Variants in MDGA2 observed in about 807,000 individuals in gnomAD.
MDGA2 encodes the protein MAM domain containing glycosylphosphatidylinositol anchor 2.
MDGA2 carries 40 observed loss-of-function variants against 117.8 expected under a neutral mutation model. The observed-to-expected ratio is 0.34, with a 90% confidence interval of 0.26 to 0.44. The LOEUF is 0.44. MDGA2 is among the 20% of genes least tolerant of loss of function. The probability of loss-of-function intolerance (pLI) is 1.00; values close to 1 mark genes in which losing one functional copy is unlikely to be tolerated. For missense variants in MDGA2, 1,123 were observed against 1,250.6 expected, an observed-to-expected ratio of 0.90 and a Z score of 1.54; for synonymous variants, 452 against 439.0, an observed-to-expected ratio of 1.03 and a Z score of -0.37.
At chr14:47,584,309 A>G (rs1183789172) in intron 1 of MDGA2, among the ~76,000 whole-genome samples, 4 of 151,796 alleles carry the variant, frequency 2.6e-5, no homozygotes, top group Non-Finnish European at 4.4e-5. Flanking sequence ...ATGTTATACA[A>G]TGTAAAACAT....
chr14:47,329,989 T>C (rs928134676), intron 1 of MDGA2, among the ~76,000 whole-genome samples: 9 of 151,958 alleles, frequency 5.9e-5, no homozygotes, highest in Admixed American at 2.0e-4. Context: ...CAATCAGGTG[T>C]TTTAATAATA....
chr14:46,884,743 T>A lies in MDGA2; in HGVS notation c.2239-2522A>T, dbSNP rs1013327566. Among the ~76,000 whole-genome samples the A allele has an allele frequency of 2.6e-5, 4 of 152,110 alleles. No individual in the cohort carries two copies. Among genetic ancestry groups the A allele is most frequent in the African/African-American group, 9.7e-5 (4 of 41,428 alleles). Reference sequence around the variant, plus strand: ...GGAACCTTATATCTTATACATAAAATTCAGTCTCAGGAGTATTAAACAATT... The same window carrying A: ...GGAACCTTATATCTTATACATAAAAATCAGTCTCAGGAGTATTAAACAATT... On this transcript the variant is annotated intron_variant, in intron 10 of 16. Coordinates refer to ENST00000399232, the MANE Select transcript of MDGA2 (RefSeq NM_001113498.3). This position sits in a 1 kb window ranked among gnomAD's most constrained non-coding sequence, Gnocchi z 4.1.
At chr14:46,978,304 A>G (rs1886545049) in intron 8 of MDGA2, among the ~76,000 whole-genome samples, 1 of 151,990 alleles carries the variant, frequency 6.6e-6, no homozygotes, top group South Asian at 2.1e-4. Flanking sequence ...GTTTTAATAC[A>G]TCACTGTAAT....
At chr14:47,626,597 G>C (rs2138939975) in intron 1 of MDGA2, 1 of 152,426 alleles carries the variant, frequency 6.6e-6, no homozygotes, top group South Asian at 2.1e-4. Flanking sequence ...CCCGGCGCTT[G>C]CGGGCCAGCG....
intron 7 of MDGA2, among the ~76,000 whole-genome samples, chr14:47,038,498 T>C (rs571240196): frequency 4.5e-4 from 69 of 152,342 alleles, no homozygotes; most frequent in African/African-American, 1.5e-3. Flanking sequence ...TTTTCATGTA[T>C]TTAGATAAAC....
chr14:47,006,813 G>C (rs1190376097), intron 8 of MDGA2, among the ~76,000 whole-genome samples: 1 of 151,622 alleles, frequency 6.6e-6, no homozygotes, highest in Non-Finnish European at 1.5e-5. Flanking sequence ...CAGAGTTCCT[G>C]TGTCATAAAA....
Position 47,072,672 on chromosome 14 carries a change from T to TA in MDGA2, c.1196-11095dup, listed in dbSNP as rs563273272. Among the ~76,000 whole-genome samples, 940 of 152,268 alleles carry TA rather than the reference T, an allele frequency of 6.2e-3. 6 individuals carry two copies. The highest frequency in any genetic ancestry group is 0.024 in the Middle Eastern group (7 of 294). Reference sequence around the variant, plus strand: ...CCCAGGCCCAATCCTCAGGTTTTGGTATAGAGTCCAGCCATCTGCATTTTA... The same window carrying TA: ...CCCAGGCCCAATCCTCAGGTTTTGGTAATAGAGTCCAGCCATCTGCATTTTA... On this transcript the variant is annotated intron_variant, in intron 6 of 16. Transcript: ENST00000399232.
chr14:47,224,304 T>C (rs1855175583), intron 2 of MDGA2, among the ~76,000 whole-genome samples: 1 of 151,852 alleles, frequency 6.6e-6, no homozygotes, highest in South Asian at 2.1e-4. Context: ...TAGATATAGA[T>C]ATAGATATAG....
intron 2 of MDGA2, among the ~76,000 whole-genome samples, chr14:47,233,014 A>C (rs905322972): frequency 6.6e-6 from 1 of 152,140 alleles, no homozygotes; most frequent in Non-Finnish European, 1.5e-5. Flanking sequence ...TAAAGACTTT[A>C]ATGTGCCTTC....
At chr14:47,089,255 C>T (rs60114207) in intron 6 of MDGA2, among the ~76,000 whole-genome samples, 52 of 152,202 alleles carry the variant, frequency 3.4e-4, no homozygotes, top group African/African-American at 1.2e-3. Context: ...TTGAATCGCT[C>T]CTTGGCTAAG....
chr14:47,341,309 G>C (rs1431982019), intron 1 of MDGA2, among the ~76,000 whole-genome samples: 1 of 152,154 alleles, frequency 6.6e-6, no homozygotes, highest in African/African-American at 2.4e-5. Context: ...AGGATTCTGG[G>C]CTTCCTGATG....
At chr14:47,335,243 T>C (rs1890404828) in intron 1 of MDGA2, among the ~76,000 whole-genome samples, 2 of 147,922 alleles carry the variant, frequency 1.4e-5, no homozygotes, top group South Asian at 4.3e-4. Context: ...AGCAACATTA[T>C]TTGGTGATCA....
At chr14:47,246,065 C>T (rs909111614) in intron 2 of MDGA2, among the ~76,000 whole-genome samples, 3 of 151,842 alleles carry the variant, frequency 2.0e-5, no homozygotes, top group African/African-American at 7.2e-5. Flanking sequence ...CAGTTTTCTC[C>T]AAGCTCACTT....
At chr14:47,479,848 C>G (rs1038276389) in intron 1 of MDGA2, among the ~76,000 whole-genome samples, 10 of 152,070 alleles carry the variant, frequency 6.6e-5, no homozygotes, top group Non-Finnish European at 1.2e-4. Flanking sequence ...CACACAAAAC[C>G]TCAGTTATAT....
intron 9 of MDGA2, among the ~76,000 whole-genome samples, chr14:46,932,688 C>G (rs1277354849): frequency 6.6e-6 from 1 of 152,048 alleles, no homozygotes; most frequent in Non-Finnish European, 1.5e-5. Context: ...GTATAATTCA[C>G]CAAGAATCCT....
At chr14:46,924,230 G>T (rs1387379893) in intron 9 of MDGA2, among the ~76,000 whole-genome samples, 1 of 151,720 alleles carries the variant, frequency 6.6e-6, no homozygotes, top group Non-Finnish European at 1.5e-5. Flanking sequence ...GATTTATATA[G>T]AAATACTGGT....
intron 1 of MDGA2, among the ~76,000 whole-genome samples, chr14:47,509,128 A>T (rs1894584749): frequency 6.6e-6 from 1 of 152,200 alleles, no homozygotes; most frequent in Non-Finnish European, 1.5e-5. Flanking sequence ...AGTAGCTGCC[A>T]TTTGTACCAG....
At chr14:47,602,769 T>C (rs1896671505) in intron 1 of MDGA2, among the ~76,000 whole-genome samples, 1 of 152,154 alleles carries the variant, frequency 6.6e-6, no homozygotes, top group African/African-American at 2.4e-5. Flanking sequence ...TAGCCCAACA[T>C]ATACATTTCC....
chr14:47,664,179 T>C (rs1897900225), intron 1 of MDGA2, among the ~76,000 whole-genome samples: 1 of 152,138 alleles, frequency 6.6e-6, no homozygotes, highest in Non-Finnish European at 1.5e-5. Context: ...CGAAATACAA[T>C]ATCAAATTGC....
Sources: gnomAD v4.1 joint callset for allele counts (sites outside exome capture counted in the v4.1 genomes callset) on GRCh38, gnomAD v4.1.1 for gene constraint, Gnocchi (gnomAD v3.1) non-coding constraint, MANE v1.5 for transcripts, NCBI Gene and HGNC (gene_info 2026-07-23, HGNC 2026-07-21) for gene names.